Variants in SNX24 observed in about 807,000 individuals in gnomAD.
The protein encoded by SNX24 is sorting nexin 24, also known as sorting nexin-24.
SNX24 carries 22 observed loss-of-function variants against 28.7 expected under a neutral mutation model. The ratio of observed to expected loss-of-function variants is 0.77; its 90% confidence interval spans 0.55 to 1.10. SNX24 has a LOEUF of 1.10. Ranked by LOEUF, SNX24 falls within the 50% of genes least tolerant of loss-of-function variation. The pLI, the probability that SNX24 is intolerant of heterozygous loss-of-function variation, is 0.00. For missense variants in SNX24, 221 were observed against 201.1 expected (o/e 1.10, Z -0.60); for synonymous variants, 69 against 71.5 (o/e 0.96, Z 0.18).
chr5:122,955,464 C>G (rs781757693), intron 3 of SNX24, among the ~76,000 whole-genome samples: 31 of 152,124 alleles, frequency 2.0e-4, no homozygotes, highest in Non-Finnish European at 3.5e-4. Context: ...CTGATTGAAT[C>G]TTATACATTT....
chr5:123,002,901 G>A (rs1055908974), intron 6 of SNX24, among the ~76,000 whole-genome samples: 1 of 152,128 alleles, frequency 6.6e-6, no homozygotes, highest in African/African-American at 2.4e-5. Context: ...GAACTAAGCA[G>A]GGCAGATATT....
intron 1 of SNX24, among the ~76,000 whole-genome samples, chr5:122,868,166 G>A (rs1755802573): frequency 6.6e-6 from 1 of 152,236 alleles, no homozygotes; most frequent in East Asian, 1.9e-4. Flanking sequence ...AGAGAAGGCA[G>A]TGTAGCTGGA....
At chr5:122,899,452 A>G (rs1417870216) in intron 1 of SNX24, among the ~76,000 whole-genome samples, 1 of 152,172 alleles carries the variant, frequency 6.6e-6, no homozygotes, top group African/African-American at 2.4e-5. Flanking sequence ...TCTGTTGCCC[A>G]GGTTAGAGTG....
chr5:122,925,087 C>T (rs1024012060), intron 1 of SNX24, among the ~76,000 whole-genome samples: 1 of 141,920 alleles, frequency 7.0e-6, no homozygotes, highest in African/African-American at 2.7e-5. Context: ...CTCCTCTTCC[C>T]TCTCCTCCTT....
At chr5:122,941,035 C>G (rs569456075) in intron 2 of SNX24, among the ~76,000 whole-genome samples, 3 of 152,188 alleles carry the variant, frequency 2.0e-5, no homozygotes, top group African/African-American at 7.2e-5. Context: ...CCTTTCATCA[C>G]CTCTCCTCTG....
intron 3 of SNX24, among the ~76,000 whole-genome samples, chr5:122,952,472 C>T (rs920259141): frequency 2.0e-5 from 3 of 152,184 alleles, no homozygotes; most frequent in Non-Finnish European, 4.4e-5. Context: ...CACCTGACTG[C>T]GCGCTCCACT....
chr5:122,953,449 G>GAAC (rs1760055486), intron 3 of SNX24, among the ~76,000 whole-genome samples: 1 of 151,424 alleles, frequency 6.6e-6, no homozygotes, highest in Non-Finnish European at 1.5e-5. Flanking sequence ...AAAGAACAAA[G>GAAC]AATGACAGAA....
chr5:122,931,535 G>A (rs1758957267), intron 1 of SNX24, among the ~76,000 whole-genome samples: 1 of 152,034 alleles, frequency 6.6e-6, no homozygotes. Context: ...GCTAAAGAAG[G>A]AGAATGTTGA....
At chr5:122,954,590 C>G (rs1369343669) in intron 3 of SNX24, among the ~76,000 whole-genome samples, 1 of 150,974 alleles carries the variant, frequency 6.6e-6, no homozygotes, top group African/African-American at 2.4e-5. Context: ...CTTTACTTTC[C>G]TCTTGAACAT....
At chr5:122,956,783 C>T (rs561233316) in intron 3 of SNX24, among the ~76,000 whole-genome samples, 47 of 152,040 alleles carry the variant, frequency 3.1e-4, no homozygotes, top group Non-Finnish European at 5.1e-4. Flanking sequence ...TTCTAATGAT[C>T]GCTGATGTTG....
At chr5:122,873,819 G>T (rs1756097205) in intron 1 of SNX24, among the ~76,000 whole-genome samples, 1 of 145,120 alleles carries the variant, frequency 6.9e-6, no homozygotes, top group African/African-American at 2.6e-5. Context: ...AGGCTGGAGT[G>T]CAATGGCGCA....
At position 122,858,315 on chromosome 5, in the gene SNX24, A is replaced by G. The variant is rs1284636237; in HGVS notation, c.60+12622A>G. ...TGACACAGAGACATAAAGTGAGCAC[A>G]TGCTATTGGAAAAATGCCGCCGATA... On this transcript the variant is annotated intron_variant, in intron 1 of 6. Coordinates refer to ENST00000261369, the MANE Select transcript of SNX24 (RefSeq NM_014035.4). Among the ~76,000 whole-genome samples the G allele has an allele frequency of 4.6e-5, 7 of 152,384 alleles. No homozygotes were observed. The East Asian group carries it at 1.3e-3, about 29-fold the overall frequency.
chr5:123,002,012 A>C lies in SNX24; in HGVS notation c.442+8A>C. 6.2e-7 allele frequency: 1 copy of C among 1,610,534 alleles called. No individual in the cohort carries two copies. The highest frequency in any genetic ancestry group is 8.5e-7 in the Non-Finnish European group (1 of 1,176,776). On this transcript the variant is annotated splice_region_variant and intron_variant, in intron 6 of 6. Transcript: ENST00000261369. ...TCTTGCCTGCAGCCAGCGGTAATCA[A>C]ACCTGTCATCTGCTAACAGCTCTTT...
chr5:122,962,898 T>G (rs1354759484), intron 3 of SNX24, among the ~76,000 whole-genome samples: 2 of 152,204 alleles, frequency 1.3e-5, no homozygotes, highest in Non-Finnish European at 2.9e-5. Flanking sequence ...TTCAATGACC[T>G]CACCTAGAGC....
chr5:122,992,182 C>T (rs1299613703), intron 3 of SNX24, among the ~76,000 whole-genome samples: 1 of 152,094 alleles, frequency 6.6e-6, no homozygotes, highest in African/African-American at 2.4e-5. Context: ...AAAATTAGCT[C>T]AATGAGTTAG....
At chr5:122,916,607 T>G (rs1411880604) in intron 1 of SNX24, among the ~76,000 whole-genome samples, 1 of 152,190 alleles carries the variant, frequency 6.6e-6, no homozygotes, top group Non-Finnish European at 1.5e-5. Context: ...TTTTTAACAT[T>G]CTGCATCCCA....
chr5:122,951,116 A>C (rs1240166614), intron 3 of SNX24, among the ~76,000 whole-genome samples: 1 of 151,820 alleles, frequency 6.6e-6, no homozygotes, highest in African/African-American at 2.4e-5. Flanking sequence ...AAATACAAAA[A>C]ATTAGCCAGG....
At chr5:122,941,096 G>C (rs1192456961) in intron 2 of SNX24, among the ~76,000 whole-genome samples, 1 of 152,074 alleles carries the variant, frequency 6.6e-6, no homozygotes, top group Non-Finnish European at 1.5e-5. Flanking sequence ...ATAAGTACCA[G>C]ATGCTATGAC....
chr5:122,917,635 T>A (rs2150098391), intron 1 of SNX24, among the ~76,000 whole-genome samples: 1 of 152,300 alleles, frequency 6.6e-6, no homozygotes, highest in South Asian at 2.1e-4. Flanking sequence ...CGTCATAAAA[T>A]TTTAGGCCTT....
Sources: allele counts gnomAD v4.1 joint callset (sites outside exome capture counted in the v4.1 genomes callset), GRCh38; gene constraint gnomAD v4.1.1; transcripts MANE v1.5; gene names NCBI Gene and HGNC (gene_info 2026-07-23, HGNC 2026-07-21).